Variants in ZNRF2 observed in about 807,000 individuals in gnomAD.
ZNRF2 encodes the protein zinc and ring finger 2.
A neutral mutation model predicts 20.4 loss-of-function variants in ZNRF2; 16 were observed. That is an observed-to-expected ratio of 0.79 (90% CI 0.53 to 1.19). ZNRF2 has a LOEUF of 1.19. Among genes scored for constraint, ZNRF2 ranks in the 50% most tolerant of loss-of-function variants. The pLI is 0.00. For missense variants in ZNRF2, 363 were observed against 332.4 expected (o/e 1.09, Z -0.72); for synonymous variants, 178 against 144.9 (o/e 1.23, Z -1.64).
intron 1 of ZNRF2, among the ~76,000 whole-genome samples, chr7:30,299,364 A>G (rs1256769704): frequency 6.6e-6 from 1 of 151,770 alleles, no homozygotes; most frequent in Admixed American, 6.6e-5. Flanking sequence ...GGTTGCAGTG[A>G]GTTGAAATCG....
intron 1 of ZNRF2, among the ~76,000 whole-genome samples, chr7:30,310,204 G>C (rs1799271308): frequency 6.6e-6 from 1 of 152,220 alleles, no homozygotes. Context: ...CAGGAAAACA[G>C]TGGTAACACT....
chr7:30,341,127 C>G (rs1454296764), intron 2 of ZNRF2, among the ~76,000 whole-genome samples: 2 of 151,364 alleles, frequency 1.3e-5, no homozygotes, highest in South Asian at 2.1e-4. Flanking sequence ...TGATTATTCT[C>G]TCTTCTTTGT....
chr7:30,354,584 T>C (rs533941818), intron 2 of ZNRF2, among the ~76,000 whole-genome samples: 8 of 152,204 alleles, frequency 5.3e-5, no homozygotes, highest in Non-Finnish European at 7.4e-5. Flanking sequence ...TTGGTTTTTA[T>C]AGGAGGAATG....
At chr7:30,346,643 G>A (rs1038976867) in intron 2 of ZNRF2, among the ~76,000 whole-genome samples, 3 of 151,280 alleles carry the variant, frequency 2.0e-5, no homozygotes, top group Non-Finnish European at 4.4e-5. Context: ...TTTTTTCACC[G>A]TACTCCCATC....
chr7:30,330,423 A>T (rs964309804), intron 2 of ZNRF2, among the ~76,000 whole-genome samples: 3 of 152,176 alleles, frequency 2.0e-5, no homozygotes, highest in African/African-American at 7.2e-5. Flanking sequence ...ATGATGAAAA[A>T]AGCTGCCAAT....
intron 1 of ZNRF2, among the ~76,000 whole-genome samples, chr7:30,308,648 C>A (rs1051512777): frequency 1.3e-5 from 2 of 152,284 alleles, no homozygotes; most frequent in East Asian, 3.9e-4. Flanking sequence ...GTTATGTATA[C>A]CTTCAGCTTA....
At chr7:30,348,911 C>T (rs947714944) in intron 2 of ZNRF2, among the ~76,000 whole-genome samples, 1 of 152,196 alleles carries the variant, frequency 6.6e-6, no homozygotes, top group Non-Finnish European at 1.5e-5. Context: ...TTACATACTT[C>T]ACTTTCAACA....
intron 1 of ZNRF2, among the ~76,000 whole-genome samples, chr7:30,300,305 C>G (rs577866923): frequency 6.6e-6 from 1 of 151,762 alleles, no homozygotes; most frequent in Non-Finnish European, 1.5e-5. Flanking sequence ...CACGCCACCA[C>G]GCCTGGCTAA....
At chr7:30,300,779 G>C (rs1799101592) in intron 1 of ZNRF2, among the ~76,000 whole-genome samples, 2 of 152,214 alleles carry the variant, frequency 1.3e-5, no homozygotes, top group South Asian at 4.1e-4. Flanking sequence ...AATGAAAATT[G>C]TGAGTTGGGA....
At chr7:30,288,871 G>T (rs560208609) in intron 1 of ZNRF2, 3 of 152,244 alleles carry the variant, frequency 2.0e-5, no homozygotes, top group African/African-American at 7.2e-5. Context: ...AATGTTGATG[G>T]TATTTTAGGG....
chr7:30,324,442 G>A (rs543401908), intron 2 of ZNRF2, among the ~76,000 whole-genome samples: 17 of 151,534 alleles, frequency 1.1e-4, no homozygotes, highest in Admixed American at 4.6e-4. Flanking sequence ...CTAGCTACTC[G>A]GGAGGCTGAG....
intron 2 of ZNRF2, among the ~76,000 whole-genome samples, chr7:30,351,017 T>A (rs928544462): frequency 1.3e-5 from 2 of 151,416 alleles, no homozygotes; most frequent in Non-Finnish European, 3.0e-5. Flanking sequence ...TTTTTTTTTT[T>A]AAAGAATTTT....
chr7:30,340,786 C>G (rs1414914501), intron 2 of ZNRF2, among the ~76,000 whole-genome samples: 1 of 151,840 alleles, frequency 6.6e-6, no homozygotes, highest in South Asian at 2.1e-4. Flanking sequence ...CTCTCTTTTT[C>G]TATTGTTTGG....
intron 1 of ZNRF2, among the ~76,000 whole-genome samples, chr7:30,288,252 TTA>T (rs1798832294): frequency 6.6e-6 from 1 of 152,234 alleles, no homozygotes; most frequent in South Asian, 2.1e-4. Flanking sequence ...GTATAAATGG[TTA>T]TATACAAATA....
At chr7:30,347,205 C>T (rs1418643829) in intron 2 of ZNRF2, among the ~76,000 whole-genome samples, 1 of 152,052 alleles carries the variant, frequency 6.6e-6, no homozygotes, top group African/African-American at 2.4e-5. Context: ...TCTCTCATTA[C>T]CTATGTCGGT....
chr7:30,291,432 G>T (rs1438448557), intron 1 of ZNRF2, among the ~76,000 whole-genome samples: 1 of 152,154 alleles, frequency 6.6e-6, no homozygotes, highest in Non-Finnish European at 1.5e-5. Context: ...CAGTTCTTAA[G>T]GAGGAGAGTG....
chr7:30,303,011 TG>T (rs1276925513), intron 1 of ZNRF2, among the ~76,000 whole-genome samples: 1 of 152,214 alleles, frequency 6.6e-6, no homozygotes, highest in African/African-American at 2.4e-5. Context: ...CTGGTTGTGG[TG>T]GCTCATGCCT....
At chr7:30,355,660 T>C (rs1374369590) in intron 2 of ZNRF2, 68 bp from the exon 3 acceptor site, 1 of 1,293,136 alleles carries the variant, frequency 7.7e-7, no homozygotes, top group African/African-American at 1.5e-5. Flanking sequence ...TCAGTTAGCA[T>C]TCACGTAATT....
At chr7:30,325,363 T>C (rs1005294474) in intron 2 of ZNRF2, among the ~76,000 whole-genome samples, 1 of 152,194 alleles carries the variant, frequency 6.6e-6, no homozygotes, top group South Asian at 2.1e-4. Flanking sequence ...GCATCAATTA[T>C]GTGCGAGGTA....
Sources: gnomAD v4.1 joint callset for allele counts (sites outside exome capture counted in the v4.1 genomes callset) on GRCh38, gnomAD v4.1.1 for gene constraint, MANE v1.5 for transcripts, NCBI Gene and HGNC (gene_info 2026-07-23, HGNC 2026-07-21) for gene names.